Variants in SMG9 observed in about 807,000 individuals in gnomAD.
SMG9 encodes SMG9 nonsense mediated mRNA decay factor.
In SMG9, 55 loss-of-function variants were observed where a neutral mutation model predicts 64.0. That is an observed-to-expected ratio of 0.86 (90% CI 0.69 to 1.08). The LOEUF (loss-of-function observed/expected upper bound fraction) is 1.08, where lower values mean the gene tolerates loss of function less well. Ranked by LOEUF, SMG9 falls within the 50% of genes least tolerant of loss-of-function variation. The pLI is 0.00. For missense variants in SMG9, 554 were observed against 681.3 expected, an observed-to-expected ratio of 0.81 and a Z score of 2.08; for synonymous variants, 244 against 254.8, an observed-to-expected ratio of 0.96 and a Z score of 0.41.
intron 6 of SMG9, among the ~76,000 whole-genome samples, chr19:43,741,613 C>T (rs1049556147): frequency 6.6e-6 from 1 of 152,160 alleles, no homozygotes; most frequent in Non-Finnish European, 1.5e-5. Context: ...CAGAGTGCCT[C>T]GCTCTGCCTC....
intron 7 of SMG9, 140 bp from the exon 8 acceptor site, chr19:43,738,357 A>G: frequency 1.4e-6 from 1 of 693,630 alleles, no homozygotes; most frequent in South Asian, 2.0e-5. Context: ...AAAGGAAGTT[A>G]AAGAAAAAAA....
At chr19:43,751,354 C>G (rs544219178) in intron 1 of SMG9, among the ~76,000 whole-genome samples, 238 of 152,298 alleles carry the variant, frequency 1.6e-3, no homozygotes, top group Middle Eastern at 0.01. Flanking sequence ...CCAGGCTGGT[C>G]TCAAACTCCT....
chr19:43,740,084 G>GC, intron 7 of SMG9, 23 bp downstream of exon 7: 1 of 1,515,766 alleles, frequency 6.6e-7, no homozygotes, highest in Non-Finnish European at 9.2e-7. Flanking sequence ...GCAGGGTGGG[G>GC]CAAAGGCAGG....
At chr19:43,735,733 A>T (rs1465921875) in intron 9 of SMG9, among the ~76,000 whole-genome samples, 1 of 152,074 alleles carries the variant, frequency 6.6e-6, no homozygotes, top group East Asian at 1.9e-4. Context: ...TTTCTAAGGT[A>T]AGGGATAATG....
intron 13 of SMG9, among the ~76,000 whole-genome samples, chr19:43,732,043 C>T (rs542569682): frequency 1.3e-5 from 2 of 152,364 alleles, no homozygotes; most frequent in East Asian, 1.9e-4. Flanking sequence ...GCACAACCCA[C>T]AATCTTCTCC....
chr19:43,748,004 T>G lies in SMG9; in HGVS notation c.199A>C (p.Ile67Leu). The G allele has an allele frequency of 1.2e-6, 2 of 1,613,822 alleles. No homozygotes were observed. The highest frequency in any genetic ancestry group is 1.7e-6 in the Non-Finnish European group (2 of 1,179,878). The change falls in exon 3 of 14, where the codon ATC (isoleucine) becomes CTC (leucine). Residue 67 changes from isoleucine to leucine, a missense_variant. Coordinates refer to ENST00000270066, the MANE Select transcript of SMG9 (RefSeq NM_019108.4). ...CGCTCTGCTGGAGGTTTTGAGAGGATGATGGGGGTTTTCTGCATGACGGAA... is the reference window on the plus strand; with the variant it reads ...CGCTCTGCTGGAGGTTTTGAGAGGAGGATGGGGGTTTTCTGCATGACGGAA... Reference protein sequence around the residue: ...STSVMQKTPIILSKPPAERSK... With the variant: ...STSVMQKTPILLSKPPAERSK...
chr19:43,731,807 T>C, intron 13 of SMG9, 133 bp from the exon 14 acceptor site: 1 of 1,064,720 alleles, frequency 9.4e-7, no homozygotes. Flanking sequence ...GAACCCAATC[T>C]CCTCGACTGG....
rs951213953 is a variant in SMG9 at position 43,728,594 on chromosome 19, C to T, written c.*3002G>A. The T allele has an allele frequency of 2.6e-5, 4 of 152,262 alleles. No homozygotes were observed. The highest frequency in any genetic ancestry group is 9.6e-5 in the African/African-American group (4 of 41,458). The allele number at this position is 152,262 out of a possible 1,614,324, so 9.4% of individuals were successfully genotyped here. ...AACACCCCTAGGAGGTAGGTACAAT[C>T]ATCACCTTATTTTGCAGACAAAACA... On this transcript the variant is annotated 3_prime_UTR_variant, in exon 14 of 14. Transcript: ENST00000270066.
chr19:43,743,347 G>C (rs1404077213), intron 6 of SMG9, among the ~76,000 whole-genome samples: 1 of 152,220 alleles, frequency 6.6e-6, no homozygotes, highest in African/African-American at 2.4e-5. Flanking sequence ...AGGAGGGAGA[G>C]AGGCAGAGGA....
At position 43,747,948 on chromosome 19, in the gene SMG9, G is replaced by T. The variant is rs1218285616; in HGVS notation, c.225+30C>A. On this transcript the variant is annotated intron_variant, in intron 3 of 13. Transcript: ENST00000270066. ...AATGGGGGCAATCCCTTCCCTAACG[G>T]CTCCCCCTCCTCCCTCCTTCTCTGC... The T allele has an allele frequency of 5.6e-6, 9 of 1,614,148 alleles. No homozygotes were observed. In the East Asian group the frequency reaches 2.0e-4, roughly 36 times the overall value.
chr19:43,734,608 A>G (rs776460416), intron 9 of SMG9, 113 bp from the exon 10 acceptor site: 214 of 664,242 alleles, frequency 3.2e-4, no homozygotes, highest in Admixed American at 3.6e-4. Flanking sequence ...TGCTCAGAAA[A>G]ATACCATATA....
At position 43,747,614 on chromosome 19, in the gene SMG9, C is replaced by T. The variant is rs1969057803; in HGVS notation, c.490+19G>A. Reference sequence around the variant, plus strand: ...GGAGACGCCAGTTCCCAACCTGGTACTGCCCAGCCCCAACTCACGGTCCAT... The same window carrying T: ...GGAGACGCCAGTTCCCAACCTGGTATTGCCCAGCCCCAACTCACGGTCCAT... On this transcript the variant is annotated intron_variant, in intron 4 of 13. Coordinates refer to ENST00000270066, the MANE Select transcript of SMG9 (RefSeq NM_019108.4). The T allele has an allele frequency of 3.1e-6, 5 of 1,614,004 alleles. No individual in the cohort carries two copies. The highest frequency in any genetic ancestry group is 4.2e-6 in the Non-Finnish European group (5 of 1,179,974).
intron 9 of SMG9, among the ~76,000 whole-genome samples, chr19:43,736,883 TGAG>T (rs1420845343): frequency 5.9e-5 from 9 of 152,254 alleles, no homozygotes; most frequent in Admixed American, 3.3e-4. Context: ...GGCGAGAGTC[TGAG>T]GAGATCTGCG....
intron 9 of SMG9, among the ~76,000 whole-genome samples, chr19:43,735,259 A>T (rs1165099283): frequency 6.6e-6 from 1 of 152,200 alleles, no homozygotes; most frequent in African/African-American, 2.4e-5. Context: ...TGATTTATCC[A>T]TTCGATTTAC....
intron 10 of SMG9, 57 bp from the exon 11 acceptor site, chr19:43,733,790 C>G (rs1968565670): frequency 2.3e-6 from 3 of 1,317,650 alleles, no homozygotes; most frequent in African/African-American, 1.4e-5. Context: ...TTCATGGACT[C>G]CCCTTTCTCA....
In SMG9 at chr19:43,732,896, C is replaced by T; in HGVS notation, c.1446G>A (p.Arg482=). ...KLRSQVMSMA[R]PQLSHTILTE... ...TGAGGATCGTGTGTGACAGCTGTGG[C>T]CGGGCCATGGACATCACTTGGCTCC... Residue 482 remains arginine (R), a synonymous_variant, in exon 13 of 14, where the codon CGG becomes CGA. Transcript: ENST00000270066. 1 of 1,613,976 alleles carries T rather than the reference C, an allele frequency of 6.2e-7. No individual in the cohort carries two copies. Among genetic ancestry groups the T allele is most frequent in the Non-Finnish European group, 8.5e-7 (1 of 1,180,010 alleles).
intron 9 of SMG9, among the ~76,000 whole-genome samples, chr19:43,736,815 C>T (rs1968683664): frequency 1.3e-5 from 2 of 152,164 alleles, no homozygotes; most frequent in Non-Finnish European, 2.9e-5. Flanking sequence ...GGGAGAGTAA[C>T]AGGGGATGCT....
chr19:43,735,058 CCT>C (rs1968611617), intron 9 of SMG9, among the ~76,000 whole-genome samples: 1 of 152,190 alleles, frequency 6.6e-6, no homozygotes, highest in South Asian at 2.1e-4. Flanking sequence ...CTCTCCAACC[CCT>C]GATCTTTTTA....
chr19:43,741,614 G>A (rs778078393), intron 6 of SMG9, among the ~76,000 whole-genome samples: 2 of 152,216 alleles, frequency 1.3e-5, no homozygotes, highest in Non-Finnish European at 2.9e-5. Context: ...AGAGTGCCTC[G>A]CTCTGCCTCT....
Sources: allele counts gnomAD v4.1 joint callset (sites outside exome capture counted in the v4.1 genomes callset), GRCh38; gene constraint gnomAD v4.1.1; transcripts MANE v1.5; gene names NCBI Gene and HGNC (gene_info 2026-07-23, HGNC 2026-07-21).